CFAP20DC: variants seen among roughly 807,000 people sequenced by gnomAD.
CFAP20DC encodes the protein CFAP20 domain containing.
CFAP20DC carries 84 observed loss-of-function variants against 101.7 expected under a neutral mutation model. The observed-to-expected ratio is 0.83, with a 90% CI of 0.69 to 0.99. The LOEUF is 0.99. CFAP20DC is among the 50% of genes least tolerant of loss of function. The pLI is 0.00. For missense variants in CFAP20DC, 1,007 were observed against 970.3 expected (o/e 1.04, Z -0.50); for synonymous variants, 359 against 351.2 (o/e 1.02, Z -0.25).
intron 2 of CFAP20DC, 40 bp downstream of exon 2, chr3:59,047,125 T>C: frequency 7.7e-7 from 1 of 1,298,432 alleles, no homozygotes; most frequent in Non-Finnish European, 1.1e-6. Flanking sequence ...CACTCACATT[T>C]CTTCCCCTGA....
intron 7 of CFAP20DC, among the ~76,000 whole-genome samples, chr3:58,872,147 C>T (rs2080279919): frequency 6.6e-6 from 1 of 152,114 alleles, no homozygotes; most frequent in Non-Finnish European, 1.5e-5. Context: ...CCTAGAAAGC[C>T]TTCTGCTGTG....
intron 13 of CFAP20DC, among the ~76,000 whole-genome samples, chr3:58,841,509 C>A (rs1282161360): frequency 1.3e-5 from 2 of 152,188 alleles, no homozygotes; most frequent in African/African-American, 4.8e-5. Flanking sequence ...ATATTCTCTA[C>A]TCCAATACTG....
chr3:58,751,086 T>G (rs1468809626), intron 16 of CFAP20DC, among the ~76,000 whole-genome samples: 1 of 152,068 alleles, frequency 6.6e-6, no homozygotes, highest in Admixed American at 6.6e-5. Flanking sequence ...CCTCCTTTCC[T>G]CCCTTTATTC....
intron 14 of CFAP20DC, among the ~76,000 whole-genome samples, chr3:58,828,261 A>G (rs565956242): frequency 2.6e-5 from 4 of 152,300 alleles, no homozygotes; most frequent in African/African-American, 9.6e-5. Context: ...GATAATAATA[A>G]TGACAGCTAA....
chr3:58,984,159 C>T (rs2092677631), intron 4 of CFAP20DC, among the ~76,000 whole-genome samples: 2 of 152,168 alleles, frequency 1.3e-5, no homozygotes, highest in Admixed American at 1.3e-4. Flanking sequence ...GCATTCCATC[C>T]TGCTTACTAA....
intron 4 of CFAP20DC, among the ~76,000 whole-genome samples, chr3:58,978,840 T>C (rs1285178455): frequency 2.0e-5 from 3 of 151,968 alleles, no homozygotes; most frequent in Non-Finnish European, 4.4e-5. Flanking sequence ...ATGAGAAACA[T>C]GGCTGACTTC....
rs568425089 is a variant in CFAP20DC at position 59,049,930 on chromosome 3, C to T, written c.-299G>A. On this transcript the variant is annotated 5_prime_UTR_variant, in exon 1 of 17. Transcript: ENST00000482387. ...CCCTGGGGAGTGATTGTGTGTGTAACCTACGTGACGGGGCGCCCAGTCGCG... is the reference window on the plus strand; with the variant it reads ...CCCTGGGGAGTGATTGTGTGTGTAATCTACGTGACGGGGCGCCCAGTCGCG... 1,857 of 377,740 alleles carry T rather than the reference C, an allele frequency of 4.9e-3. 10 individuals are homozygous for T. The highest frequency in any genetic ancestry group is 0.015 in the South Asian group (216 of 14,642). The allele number at this position is 377,740 out of a possible 1,614,324, so 23.4% of individuals were successfully genotyped here.
chr3:58,724,092 C>T lies in CFAP20DC; in HGVS notation c.198-6464G>A, dbSNP rs1445021820. On this transcript the variant is annotated intron_variant, in intron 3 of 3. Coordinates refer to the CFAP20DC transcript ENST00000486145. The surrounding 1 kb of genome is among the most constrained non-coding windows in gnomAD (Gnocchi z 5.6). ...GTTTAATCCCTTTGAAAGGAGGGTG[C>T]TCCATGCTGTGGAGGGGCCTGGGGA... Among the ~76,000 whole-genome samples the T allele has an allele frequency of 6.6e-6, 1 of 152,166 alleles. No individual in the cohort carries two copies. Among genetic ancestry groups the T allele is most frequent in the African/African-American group, 2.4e-5 (1 of 41,444 alleles).
In CFAP20DC at chr3:59,001,510, C is replaced by T. The variant is rs2093310573; in HGVS notation, c.278+38047G>A. 1.3e-5 allele frequency among the ~76,000 whole-genome samples: 2 copies of T among 152,168 alleles called. No homozygotes were observed. Among genetic ancestry groups the T allele is most frequent in the Non-Finnish European group, 1.5e-5 (1 of 68,028 alleles). On this transcript the variant is annotated intron_variant, in intron 4 of 16. Transcript: ENST00000482387. This position sits in a 1 kb window ranked among gnomAD's most constrained non-coding sequence, Gnocchi z 4.5. The stretch of plus-strand genomic sequence containing the variant: ...CACCCCAACCTCCGCCTCCCAGGTT[C>T]AAGTGATTCTCCTGCCTCAGCCTCC...
intron 4 of CFAP20DC, among the ~76,000 whole-genome samples, chr3:58,941,327 CAAAAA>C (rs752324535): frequency 2.0e-4 from 4 of 19,532 alleles, no homozygotes; most frequent in African/African-American, 7.3e-4. Context: ...GACTCCGTCT[CAAAAA>C]AAAAAAAAAA....
rs1186080147 is a variant in CFAP20DC at position 58,815,122 on chromosome 3, A to T, written c.2176-8666T>A. Among the ~76,000 whole-genome samples the T allele has an allele frequency of 3.6e-4, 54 of 150,466 alleles. 1 individual carries two copies. In the East Asian group the frequency reaches 5.7e-3, roughly 16 times the overall value. ...ACTTCAAACTATACTACAAGGCTAC[A>T]GTAACCAAAACAGCATGGTACTGGT... On this transcript the variant is annotated intron_variant, in intron 14 of 16. Transcript: ENST00000482387.
chr3:58,918,707 C>G (rs985617830), intron 5 of CFAP20DC, among the ~76,000 whole-genome samples: 5 of 151,942 alleles, frequency 3.3e-5, no homozygotes, highest in East Asian at 1.9e-4. Context: ...ATATTCTTCC[C>G]AGGGATGCAA....
chr3:59,036,140 A>G (rs1193333168), intron 4 of CFAP20DC, among the ~76,000 whole-genome samples: 3 of 152,208 alleles, frequency 2.0e-5, no homozygotes, highest in African/African-American at 7.2e-5. Flanking sequence ...GTATTGATGG[A>G]ATGTATCTCA....
At position 58,831,686 on chromosome 3, in the gene CFAP20DC, G is replaced by A. The variant is rs751290465; in HGVS notation, c.2175C>T (p.Pro725=). ...GGAAGCTGCAAAGCCAGGGACTCAC[G>A]GGTGGCAGGCAGGAGTTCCAGGTGG... The part of the protein sequence containing the change: ...DTTTWNSCLP[P]PVNQGRHYQK... Residue 725 remains proline (P), a splice_region_variant and synonymous_variant, in exon 14 of 17, where the codon CCC becomes CCT. Coordinates refer to ENST00000482387, the MANE Select transcript of CFAP20DC (RefSeq NM_001394063.1). 1.9e-5 allele frequency: 31 copies of A among 1,613,236 alleles called. No homozygotes were observed. The highest frequency in any genetic ancestry group is 2.5e-5 in the Non-Finnish European group (29 of 1,179,562).
intron 6 of CFAP20DC, among the ~76,000 whole-genome samples, chr3:58,910,960 A>T (rs746918413): frequency 6.6e-6 from 1 of 152,110 alleles, no homozygotes; most frequent in Non-Finnish European, 1.5e-5. Context: ...TATAGATCCA[A>T]ATATTGGAGT....
Position 58,909,764 on chromosome 3 carries a change from T to C in CFAP20DC, c.550+3944A>G, listed in dbSNP as rs917410849. 2.0e-5 allele frequency among the ~76,000 whole-genome samples: 3 copies of C among 152,136 alleles called. No homozygotes were observed. The East Asian group carries it at 5.8e-4, about 29-fold the overall frequency. On this transcript the variant is annotated intron_variant, in intron 6 of 16. Coordinates refer to ENST00000482387, the MANE Select transcript of CFAP20DC (RefSeq NM_001394063.1). ...TAAGTTCTGGGGTACATGGGCAGGA[T>C]GTGCAGGTTTGTTACATAGGTAAAC...
At chr3:58,763,549 T>G (rs1011273718) in intron 15 of CFAP20DC, among the ~76,000 whole-genome samples, 1 of 152,244 alleles carries the variant, frequency 6.6e-6, no homozygotes, top group Admixed American at 6.5e-5. Flanking sequence ...GTCAAAGTCA[T>G]TCTCCGTCCA....
intron 4 of CFAP20DC, among the ~76,000 whole-genome samples, chr3:58,949,579 T>C (rs541456031): frequency 6.6e-6 from 1 of 152,192 alleles, no homozygotes. Flanking sequence ...TCAGTTTCCA[T>C]GTAGTTGAGG....
intron 5 of CFAP20DC, among the ~76,000 whole-genome samples, chr3:58,921,915 T>A (rs981209213): frequency 6.6e-6 from 1 of 152,236 alleles, no homozygotes; most frequent in African/African-American, 2.4e-5. Flanking sequence ...TGTTATATCT[T>A]CTTCATCATT....
Sources: gnomAD v4.1 joint callset for allele counts (sites outside exome capture counted in the v4.1 genomes callset) on GRCh38, gnomAD v4.1.1 for gene constraint, Gnocchi (gnomAD v3.1) non-coding constraint, MANE v1.5 for transcripts, NCBI Gene and HGNC (gene_info 2026-07-23, HGNC 2026-07-21) for gene names.